The following LRP1B variants were observed in gnomAD, a reference collection of about 807,000 sequenced individuals.
LRP1B encodes the protein low-density lipoprotein receptor-related protein 1B.
In LRP1B, 217 loss-of-function variants were observed where a neutral mutation model predicts 556.6. The observed-to-expected ratio is 0.39, with a 90% CI of 0.35 to 0.44. The LOEUF (loss-of-function observed/expected upper bound fraction) is 0.44, where lower values mean the gene tolerates loss of function less well. Ranked by LOEUF, LRP1B falls within the 20% of genes least tolerant of loss-of-function variation. The probability of loss-of-function intolerance (pLI) is 1.00; values close to 1 mark genes in which losing one functional copy is unlikely to be tolerated. For missense variants in LRP1B, 5,053 were observed against 5,620.8 expected (o/e 0.90, Z 3.23); for synonymous variants, 2,047 against 1,865.8 (o/e 1.10, Z -2.50).
chr2:140,602,300 A>G (rs1187725704), intron 41 of LRP1B, among the ~76,000 whole-genome samples: 2 of 152,140 alleles, frequency 1.3e-5, no homozygotes, highest in African/African-American at 2.4e-5. Flanking sequence ...AGATCCTAAT[A>G]CATAAAAGTG....
chr2:140,274,330 A>G, intron 85 of LRP1B, 94 bp downstream of exon 85: 2 of 1,158,044 alleles, frequency 1.7e-6, no homozygotes, highest in Admixed American at 2.1e-5. Flanking sequence ...TTTTAGAATA[A>G]AAACAATCTA....
intron 3 of LRP1B, among the ~76,000 whole-genome samples, chr2:141,279,360 T>TA (rs1269867619): frequency 2.6e-5 from 4 of 152,072 alleles, no homozygotes; most frequent in Admixed American, 6.6e-5. Context: ...CACCAAGTCT[T>TA]ACAGTAAATC....
intron 25 of LRP1B, among the ~76,000 whole-genome samples, chr2:140,881,989 A>G (rs576184014): frequency 1.1e-4 from 17 of 152,278 alleles, no homozygotes; most frequent in East Asian, 1.9e-4. Context: ...TGCAAAATCT[A>G]TCTTGTTTGG....
intron 18 of LRP1B, among the ~76,000 whole-genome samples, chr2:140,953,829 C>T (rs1249114221): frequency 2.0e-5 from 3 of 152,186 alleles, no homozygotes; most frequent in African/African-American, 7.2e-5. Flanking sequence ...ATACATGTAT[C>T]TCCTTAAGGA....
At chr2:140,577,940 C>A (rs1217653351) in intron 43 of LRP1B, among the ~76,000 whole-genome samples, 1 of 152,048 alleles carries the variant, frequency 6.6e-6, no homozygotes, top group Non-Finnish European at 1.5e-5. Flanking sequence ...GAGTTTTTAA[C>A]CTTCCTCTCT....
chr2:142,109,277 G>T (rs1706875944), intron 1 of LRP1B, among the ~76,000 whole-genome samples: 2 of 152,246 alleles, frequency 1.3e-5, no homozygotes, highest in South Asian at 4.1e-4. Context: ...TTTGGGAGGG[G>T]AACAACGGTT....
rs1462133608 is a variant in LRP1B at position 140,886,203 on chromosome 2, C to T, written c.3899G>A (p.Ser1300Asn). The change falls in exon 24 of 91, where the codon AGT (serine) becomes AAT (asparagine). Residue 1300 changes from serine (S) to asparagine (N), a missense_variant. Transcript: ENST00000389484. ...TACAACATCTGTCCAATAAAGTAAA[C>T]TTTGATTGAAGTGAAAATCAAGTGC... ...TIALDFHFNQ[S>N]LLYWTDVVED... 6.2e-7 allele frequency: 1 copy of T among 1,611,484 alleles called. No homozygotes were observed. The highest frequency in any genetic ancestry group is 8.5e-7 in the Non-Finnish European group (1 of 1,178,298).
At chr2:142,046,419 G>A (rs1447312265) in intron 1 of LRP1B, among the ~76,000 whole-genome samples, 1 of 151,942 alleles carries the variant, frequency 6.6e-6, no homozygotes, top group Non-Finnish European at 1.5e-5. Flanking sequence ...GTATGCACTG[G>A]CAGCTAACAG....
intron 6 of LRP1B, 132 bp downstream of exon 6, chr2:141,229,051 T>C: frequency 1.2e-6 from 1 of 842,186 alleles, no homozygotes; most frequent in Non-Finnish European, 1.9e-6. Context: ...ATACAGTAAT[T>C]CAAGTTCATT....
intron 77 of LRP1B, among the ~76,000 whole-genome samples, chr2:140,345,830 A>G (rs568000554): frequency 1.8e-4 from 26 of 141,410 alleles, no homozygotes; most frequent in Non-Finnish European, 2.6e-4. Flanking sequence ...ATATATACAT[A>G]TATATATACA....
At chr2:140,639,964 C>T (rs1202296935) in intron 41 of LRP1B, among the ~76,000 whole-genome samples, 2 of 152,066 alleles carry the variant, frequency 1.3e-5, no homozygotes. Context: ...TTTCCTTAAA[C>T]CCTAGAGTTT....
At chr2:140,932,915 A>ACACACG in intron 20 of LRP1B, among the ~76,000 whole-genome samples, 1 of 149,226 alleles carries the variant, frequency 6.7e-6, no homozygotes, top group East Asian at 2.0e-4. Flanking sequence ...ACACACACAC[A>ACACACG]CATATATATG....
intron 66 of LRP1B, among the ~76,000 whole-genome samples, chr2:140,415,338 C>T (rs1685145721): frequency 2.6e-5 from 4 of 152,090 alleles, no homozygotes; most frequent in South Asian, 2.1e-4. Flanking sequence ...TTTGTTAGAC[C>T]CTTATTAGCA....
intron 41 of LRP1B, among the ~76,000 whole-genome samples, chr2:140,615,006 C>T (rs1385471168): frequency 6.6e-6 from 1 of 152,082 alleles, no homozygotes; most frequent in Non-Finnish European, 1.5e-5. Flanking sequence ...AAGATAACAG[C>T]CCCTTCCTGA....
intron 11 of LRP1B, among the ~76,000 whole-genome samples, chr2:141,047,488 G>T (rs112123795): frequency 8.8e-4 from 134 of 152,128 alleles, no homozygotes; most frequent in Middle Eastern, 6.8e-3. Context: ...AATAATTTTA[G>T]TCTATCTCTC....
At chr2:140,890,033 C>A (rs1446303697) in intron 23 of LRP1B, among the ~76,000 whole-genome samples, 1 of 151,686 alleles carries the variant, frequency 6.6e-6, no homozygotes, top group Non-Finnish European at 1.5e-5. Context: ...AGAGGAATGA[C>A]AAACTGTAAT....
chr2:141,115,453 T>G (rs931532456), intron 7 of LRP1B, among the ~76,000 whole-genome samples: 3 of 94,168 alleles, frequency 3.2e-5, no homozygotes, highest in Non-Finnish European at 7.0e-5. Context: ...TAGGTTTTTG[T>G]TTTTGTTTTT....
chr2:141,202,143 G>T (rs1682052077), intron 6 of LRP1B, among the ~76,000 whole-genome samples: 1 of 151,972 alleles, frequency 6.6e-6, no homozygotes, highest in Non-Finnish European at 1.5e-5. Flanking sequence ...TCAGTGTGTT[G>T]TTGCCCCCAC....
intron 63 of LRP1B, 80 bp downstream of exon 63, chr2:140,450,488 T>G: frequency 9.7e-7 from 1 of 1,035,880 alleles, no homozygotes; most frequent in South Asian, 1.4e-5. Context: ...AGGCAATACT[T>G]TAGGTGTAGA....
Sources: gnomAD v4.1 joint callset for allele counts (sites outside exome capture counted in the v4.1 genomes callset) on GRCh38, gnomAD v4.1.1 for gene constraint, MANE v1.5 for transcripts, NCBI Gene and HGNC (gene_info 2026-07-23, HGNC 2026-07-21) for gene names.